The following EYS variants were observed in gnomAD, a reference collection of about 807,000 sequenced individuals.
The protein encoded by EYS is EGF-like photoreceptor maintenance factor.
Under a neutral mutation model 282.1 loss-of-function variants are expected in EYS, and 250 were observed. The observed-to-expected ratio is 0.89, with a 90% confidence interval of 0.80 to 0.98. The LOEUF is 0.98. EYS is among the 50% of genes least tolerant of loss of function. The pLI, the probability that EYS is intolerant of heterozygous loss-of-function variation, is 0.00. For synonymous variants in EYS, 1,355 were observed against 1,282.9 expected, an observed-to-expected ratio of 1.06 and a Z score of -1.20; for missense variants, 4,016 against 3,709.0, an observed-to-expected ratio of 1.08 and a Z score of -2.15.
intron 36 of EYS, among the ~76,000 whole-genome samples, chr6:63,826,844 G>GAAAAAAA (rs1771474497): frequency 1.6e-4 from 1 of 6,110 alleles, no homozygotes; most frequent in African/African-American, 8.7e-4. Flanking sequence ...AAGTTAAAAA[G>GAAAAAAA]CAAAAAAAAA....
chr6:64,742,907 A>G (rs1772422824), intron 22 of EYS, among the ~76,000 whole-genome samples: 1 of 152,158 alleles, frequency 6.6e-6, no homozygotes, highest in African/African-American at 2.4e-5. Flanking sequence ...GAAAGCCACA[A>G]AATCACCGGT....
chr6:65,650,398 C>G (rs968028231), intron 1 of EYS, among the ~76,000 whole-genome samples: 1 of 152,130 alleles, frequency 6.6e-6, no homozygotes, highest in Non-Finnish European at 1.5e-5. Context: ...GAGATTAACA[C>G]TATTTAGCAT....
In EYS at chr6:64,146,203, C is replaced by G. The variant is rs147611292; in HGVS notation, c.6425-64201G>C. ...TGTGAATATAATTAGCTATTTCTAG[C>G]TATCCTCATATAGGAATGAATTTCA... On this transcript the variant is annotated intron_variant, in intron 31 of 42. Coordinates refer to ENST00000503581, the MANE Select transcript of EYS (RefSeq NM_001142800.2). Among the ~76,000 whole-genome samples the G allele has an allele frequency of 8.3e-4, 126 of 152,188 alleles. 1 individual carries two copies. In the East Asian group the frequency reaches 0.021, roughly 25 times the overall value.
chr6:63,927,800 G>A (rs1316473983), intron 35 of EYS, among the ~76,000 whole-genome samples: 1 of 152,202 alleles, frequency 6.6e-6, no homozygotes, highest in East Asian at 1.9e-4. Flanking sequence ...GCTACTGAAT[G>A]AACATAGGAT....
intron 12 of EYS, among the ~76,000 whole-genome samples, chr6:65,207,022 T>C (rs114690140): frequency 6.6e-6 from 1 of 151,868 alleles, no homozygotes; most frequent in African/African-American, 2.4e-5. Context: ...AATTCGTAGC[T>C]AGAGCAATCA....
intron 12 of EYS, among the ~76,000 whole-genome samples, chr6:65,173,820 T>G (rs1765165820): frequency 6.6e-6 from 1 of 151,232 alleles, no homozygotes; most frequent in African/African-American, 2.4e-5. Context: ...GAAACTAAAG[T>G]AATAGATTAG....
At chr6:65,116,076 C>T (rs1191737362) in intron 12 of EYS, among the ~76,000 whole-genome samples, 1 of 151,924 alleles carries the variant, frequency 6.6e-6, no homozygotes, top group African/African-American at 2.4e-5. Flanking sequence ...AGATAGTAGA[C>T]AACACTAAAC....
intron 31 of EYS, among the ~76,000 whole-genome samples, chr6:64,226,176 C>A (rs997410214): frequency 7.2e-5 from 11 of 152,038 alleles, no homozygotes; most frequent in Non-Finnish European, 1.6e-4. Flanking sequence ...TAAATAAATT[C>A]GGACTACTCT....
At chr6:65,216,505 A>AT (rs1339691586) in intron 12 of EYS, among the ~76,000 whole-genome samples, 1 of 151,916 alleles carries the variant, frequency 6.6e-6, no homozygotes, top group East Asian at 1.9e-4. Context: ...AGTAAATAAT[A>AT]TTTTTGTGAA....
chr6:64,329,486 T>C (rs939952403), intron 29 of EYS, among the ~76,000 whole-genome samples: 1 of 151,988 alleles, frequency 6.6e-6, no homozygotes, highest in Non-Finnish European at 1.5e-5. Context: ...TTTGTAAAGA[T>C]GCATTTTGCC....
chr6:64,496,973 T>A (rs770701186), intron 26 of EYS, among the ~76,000 whole-genome samples: 3 of 152,158 alleles, frequency 2.0e-5, no homozygotes, highest in Non-Finnish European at 4.4e-5. Context: ...ATTATGGAAG[T>A]GAATTATTTT....
intron 5 of EYS, among the ~76,000 whole-genome samples, chr6:65,415,329 A>G (rs1034571138): frequency 2.6e-4 from 39 of 152,184 alleles, no homozygotes; most frequent in African/African-American, 8.4e-4. Context: ...GGCAAATCCA[A>G]TTTAACCAAG....
chr6:63,895,905 G>GTTTTTTTTTTTTT (rs10705427), intron 35 of EYS, among the ~76,000 whole-genome samples: 3 of 124,356 alleles, frequency 2.4e-5, no homozygotes, highest in African/African-American at 6.3e-5. Flanking sequence ...ATCATGATTT[G>GTTTTTTTTTTTTT]TTTTTTTTTT....
chr6:64,615,076 C>T (rs16895586), intron 24 of EYS, among the ~76,000 whole-genome samples: 6,552 of 152,152 alleles, frequency 0.043, 188 homozygotes, highest in Middle Eastern at 0.079. Flanking sequence ...GCTAGAATGC[C>T]ATGACTTACC....
intron 19 of EYS, among the ~76,000 whole-genome samples, chr6:64,858,806 T>A (rs1022805823): frequency 6.6e-6 from 1 of 152,054 alleles, no homozygotes; most frequent in African/African-American, 2.4e-5. Flanking sequence ...AAGAAAACTT[T>A]CAAAAGATTA....
intron 35 of EYS, among the ~76,000 whole-genome samples, chr6:63,940,808 T>C (rs1452940360): frequency 6.6e-6 from 1 of 151,788 alleles, no homozygotes; most frequent in African/African-American, 2.4e-5. Context: ...ACATTAGGTA[T>C]TTTTCTTAAT....
intron 22 of EYS, among the ~76,000 whole-genome samples, chr6:64,730,656 T>G (rs1771931891): frequency 6.6e-6 from 1 of 151,992 alleles, no homozygotes; most frequent in South Asian, 2.1e-4. Flanking sequence ...TTTTATATTT[T>G]TAGTAGAGAC....
intron 2 of EYS, among the ~76,000 whole-genome samples, chr6:65,564,537 T>G (rs1396754328): frequency 6.6e-6 from 1 of 152,106 alleles, no homozygotes; most frequent in African/African-American, 2.4e-5. Context: ...GATTCCCTAT[T>G]TAATAAATGG....
At chr6:64,631,143 A>G (rs1931843) in intron 22 of EYS, 91,429 of 151,992 alleles carry the variant, frequency 0.6, 27,662 homozygotes, top group South Asian at 0.68. Flanking sequence ...TTTGCAGCAT[A>G]GCAACTAAAA....
Sources: allele counts gnomAD v4.1 joint callset (sites outside exome capture counted in the v4.1 genomes callset), GRCh38; gene constraint gnomAD v4.1.1; transcripts MANE v1.5; gene names NCBI Gene and HGNC (gene_info 2026-07-23, HGNC 2026-07-21).